The following OAS1 variants were observed in gnomAD, a reference collection of about 807,000 sequenced individuals.
The protein encoded by OAS1 is 2'-5'-oligoadenylate synthetase 1, also known as 2'-5'-oligoadenylate synthase 1.
Under a neutral mutation model 38.5 loss-of-function variants are expected in OAS1, and 24 were observed. The ratio of observed to expected loss-of-function variants is 0.62; its 90% CI spans 0.45 to 0.88. The LOEUF (loss-of-function observed/expected upper bound fraction) is 0.88, where lower values mean the gene tolerates loss of function less well. Ranked by LOEUF, OAS1 falls within the 40% of genes least tolerant of loss-of-function variation. The pLI is 0.00. For synonymous variants in OAS1, 169 were observed against 193.9 expected, an observed-to-expected ratio of 0.87 and a Z score of 1.07; for missense variants, 482 against 493.9, an observed-to-expected ratio of 0.98 and a Z score of 0.23.
intron 2 of OAS1, among the ~76,000 whole-genome samples, chr12:112,910,199 A>C (rs1372627427): frequency 6.6e-6 from 1 of 151,942 alleles, no homozygotes; most frequent in Non-Finnish European, 1.5e-5. Context: ...GAAATCTCAC[A>C]TCTACTAAAA....
intron 3 of OAS1, among the ~76,000 whole-genome samples, 196 bp downstream of exon 3, chr12:112,911,431 AAG>A (rs1310297012): frequency 1.3e-5 from 2 of 152,010 alleles, no homozygotes; most frequent in African/African-American, 4.8e-5. Flanking sequence ...AAAGGGAAGG[AAG>A]AGAGAAAGGA....
chr12:112,916,476 CA>C lies in OAS1; in HGVS notation c.655-31del, dbSNP rs1565962796. On this transcript the variant is annotated intron_variant, in intron 3 of 5. Coordinates refer to ENST00000202917, the MANE Select transcript of OAS1 (RefSeq NM_016816.4). ...TAGTTTACACAAAAGTTGAGCAAAC[CA>C]ATTTTTTTCTGATTGTTTTTCCTCT... 11 of 1,588,564 alleles carry C rather than the reference CA, an allele frequency of 6.9e-6. No homozygotes were observed. The Admixed American group carries it at 1.0e-4, about 15-fold the overall frequency.
At position 112,919,751 on chromosome 12, in the gene OAS1, T is replaced by C; in HGVS notation, c.*198T>C. On this transcript the variant is annotated 3_prime_UTR_variant, in exon 6 of 6. Transcript: ENST00000202917. ...AGATAACATTCTCCACAGCCTCACT[T>C]CATTCCACCTATTCTCTGAAAATAT... is the stretch of plus-strand genomic sequence containing the variant. 2.7e-6 allele frequency: 4 copies of C among 1,462,164 alleles called. No homozygotes were observed. Among genetic ancestry groups the C allele is most frequent in the Non-Finnish European group, 2.7e-6 (3 of 1,102,140 alleles). 90.6% of individuals were successfully genotyped at this position (1,462,164 alleles called of 1,614,324 possible). A position where few individuals can be genotyped will look rare whatever the true frequency, so the allele number is the denominator to read the frequency against.
rs541940421 is a variant in OAS1, at chr12:112,916,614, G to A, written c.760G>A (p.Gly254Arg). Residue 254 changes from glycine (G) to arginine (R), a missense_variant, in exon 4 of 6, where the codon GGA (glycine) becomes AGA (arginine). By Grantham distance (125) the Gly-to-Arg change is moderately radical. Coordinates refer to ENST00000202917, the MANE Select transcript of OAS1 (RefSeq NM_016816.4). ...GAAAACACATTTCAACACAGCCCAG[G>A]GATTTCGGACGGTCTTGGAATTAGT... ...SMKTHFNTAQGFRTVLELVIN... is the reference protein window; with the variant it reads ...SMKTHFNTAQRFRTVLELVIN... 590 of 1,614,082 alleles carry A rather than the reference G, an allele frequency of 3.7e-4. 3 individuals are homozygous for A. The South Asian group carries it at 6.3e-3, about 17-fold the overall frequency.
chr12:112,921,699 G>A (rs1328015924), downstream of OAS1, among the ~76,000 whole-genome samples: 1 of 152,148 alleles, frequency 6.6e-6, no homozygotes, highest in Non-Finnish European at 1.5e-5. Context: ...CCAAGTAGAG[G>A]GGCGACTTGC....
At chr12:112,909,165 G>T (rs2136297500) in intron 2 of OAS1, 2 of 400,436 alleles carry the variant, frequency 5.0e-6, no homozygotes, top group Middle Eastern at 6.3e-4. Flanking sequence ...CCCAACATGA[G>T]ATCTCATCAA....
rs754098397 is a variant in OAS1, at chr12:112,919,870, A to G, written c.*317A>G. The G allele has an allele frequency of 1.6e-5, 13 of 796,978 alleles. No individual in the cohort carries two copies. Among genetic ancestry groups the G allele is most frequent in the Non-Finnish European group, 2.5e-5 (13 of 524,986 alleles). The allele number at this position is 796,978 out of a possible 1,614,324, so 49.4% of individuals were successfully genotyped here. On this transcript the variant is annotated 3_prime_UTR_variant, in exon 6 of 6. Coordinates refer to ENST00000202917, the MANE Select transcript of OAS1 (RefSeq NM_016816.4). ...CTGATGGGAGGGTAATGTCTAATGT[A>G]TTATCAATAACAATAAAAATAAAGC...
At chr12:112,915,400 G>A (rs2043441952) in intron 3 of OAS1, among the ~76,000 whole-genome samples, 1 of 152,070 alleles carries the variant, frequency 6.6e-6, no homozygotes, top group South Asian at 2.1e-4. Context: ...TTATGTTTTT[G>A]TTTGGTTTGT....
At chr12:112,918,011 T>G in intron 5 of OAS1, 1 of 1,096,066 alleles carries the variant, frequency 9.1e-7, no homozygotes, top group Non-Finnish European at 1.2e-6. Context: ...ACTCTCTCAT[T>G]AAATAGTCAC....
chr12:112,929,066 T>C (rs546322565), intron 6 of OAS1, among the ~76,000 whole-genome samples: 1 of 152,336 alleles, frequency 6.6e-6, no homozygotes, highest in East Asian at 1.9e-4. Flanking sequence ...CTTGTGAGCA[T>C]CTCTTTGCTG....
Position 112,917,636 on chromosome 12 carries a change from C to G in OAS1, c.974C>G (p.Ala325Gly), listed in dbSNP as rs374610472. ...AGGCAGCTGGCACAAGAGGCTGAGGCCTGGCTGAATTACCCATGCTTTAAG... is the reference window on the plus strand; with the variant it reads ...AGGCAGCTGGCACAAGAGGCTGAGGGCTGGCTGAATTACCCATGCTTTAAG... ...GWRQLAQEAE[A>G]WLNYPCFKNW... Residue 325 changes from alanine (A) to glycine (G), a missense_variant, in exon 5 of 6, where the codon GCC becomes GGC. Physicochemically the swap from Ala to Gly is moderately conservative, Grantham distance 60. Coordinates refer to ENST00000202917, the MANE Select transcript of OAS1 (RefSeq NM_016816.4). The G allele has an allele frequency of 2.5e-6, 4 of 1,614,068 alleles. No homozygotes were observed. The highest frequency in any genetic ancestry group is 3.4e-6 in the Non-Finnish European group (4 of 1,180,052).
rs1380093807 is a variant in OAS1 at position 112,908,664 on chromosome 12, G to T, written c.309G>T (p.Arg103Ser). The T allele has an allele frequency of 5.0e-6, 8 of 1,614,076 alleles. No individual in the cohort carries two copies. Among genetic ancestry groups the T allele is most frequent in the Non-Finnish European group, 6.8e-6 (8 of 1,180,050 alleles). Residue 103 changes from arginine (R) to serine (S), a missense_variant, in exon 2 of 6, where the codon AGG becomes AGT. By Grantham distance (110) the Arg-to-Ser change is moderately radical (BLOSUM62 -1). Coordinates refer to ENST00000202917, the MANE Select transcript of OAS1 (RefSeq NM_016816.4). Reference sequence around the variant, plus strand: ...GGGGAGAGTTCATCCAGGAAATTAGGAGACAGCTGGAAGCCTGTCAAAGAG... The same window carrying T: ...GGGGAGAGTTCATCCAGGAAATTAGTAGACAGCTGGAAGCCTGTCAAAGAG... ...NRRGEFIQEI[R>S]RQLEACQRER...
At chr12:112,919,275 C>G in intron 5 of OAS1, 114 bp from the exon 6 acceptor site, 1 of 1,005,228 alleles carries the variant, frequency 9.9e-7, no homozygotes, top group Non-Finnish European at 1.5e-6. Context: ...CTTGTTAGTC[C>G]TTCCTCAAAG....
At chr12:112,924,038 A>G (rs1017503364), downstream of OAS1, among the ~76,000 whole-genome samples, 2 of 152,262 alleles carry the variant, frequency 1.3e-5, no homozygotes, top group Non-Finnish European at 2.9e-5. Context: ...AGCACAGACA[A>G]CAAAAGGCAT....
intron 6 of OAS1, among the ~76,000 whole-genome samples, chr12:112,925,618 C>T (rs2043553520): frequency 6.6e-6 from 1 of 152,046 alleles, no homozygotes; most frequent in Non-Finnish European, 1.5e-5. Context: ...GAGACCCTGT[C>T]TCTATAAAAA....
At chr12:112,922,329 G>T (rs938348261), downstream of OAS1, among the ~76,000 whole-genome samples, 2 of 152,010 alleles carry the variant, frequency 1.3e-5, no homozygotes, top group Admixed American at 1.3e-4. Context: ...TATTGGAATG[G>T]CTCCCCTTAA....
At chr12:112,926,250 A>G (rs1030643560) in intron 6 of OAS1, among the ~76,000 whole-genome samples, 2 of 152,200 alleles carry the variant, frequency 1.3e-5, no homozygotes, top group African/African-American at 4.8e-5. Context: ...ACCTCCCAGC[A>G]TGCTGCAATT....
downstream of OAS1, among the ~76,000 whole-genome samples, chr12:112,920,640 C>T (rs1342927801): frequency 6.6e-6 from 1 of 152,198 alleles, no homozygotes; most frequent in Non-Finnish European, 1.5e-5. Flanking sequence ...GCCACATTGT[C>T]ACACTGTCCT....
chr12:112,920,815 C>T (rs112746779), downstream of OAS1, among the ~76,000 whole-genome samples: 328 of 152,290 alleles, frequency 2.2e-3, 2 homozygotes, highest in African/African-American at 7.7e-3. Context: ...CATTTAGTCC[C>T]CCCACATCCC....
Sources: allele counts gnomAD v4.1 joint callset (sites outside exome capture counted in the v4.1 genomes callset), GRCh38; gene constraint gnomAD v4.1.1; transcripts MANE v1.5; gene names NCBI Gene and HGNC (gene_info 2026-07-23, HGNC 2026-07-21).